RMDN2: variants seen among roughly 807,000 people sequenced by gnomAD.
RMDN2 encodes the protein regulator of microtubule dynamics 2, also known as regulator of microtubule dynamics protein 2.
A neutral mutation model predicts 52.8 loss-of-function variants in RMDN2; 61 were observed. The observed-to-expected ratio is 1.16, with a 90% CI of 0.94 to 1.43. RMDN2 has a LOEUF of 1.43. Among genes scored for constraint, RMDN2 ranks in the 40% most tolerant of loss-of-function variants. The pLI, the probability that RMDN2 is intolerant of heterozygous loss-of-function variation, is 0.00. For synonymous variants in RMDN2, 180 were observed against 153.1 expected, an observed-to-expected ratio of 1.18 and a Z score of -1.30; for missense variants, 592 against 475.3, an observed-to-expected ratio of 1.25 and a Z score of -2.28.
intron 5 of RMDN2, among the ~76,000 whole-genome samples, chr2:37,988,568 A>G (rs914431918): frequency 2.0e-5 from 3 of 151,978 alleles, no homozygotes; most frequent in African/African-American, 7.2e-5. Flanking sequence ...ACTGTTCCAA[A>G]TTAAAATTAT....
intron 5 of RMDN2, among the ~76,000 whole-genome samples, chr2:37,987,546 A>C (rs1307207120): frequency 6.6e-6 from 1 of 152,184 alleles, no homozygotes; most frequent in African/African-American, 2.4e-5. Flanking sequence ...GGAGGGAGGG[A>C]TGAATAAGCA....
intron 5 of RMDN2, among the ~76,000 whole-genome samples, chr2:37,985,954 A>G (rs766011024): frequency 1.2e-4 from 18 of 152,190 alleles, no homozygotes; most frequent in Non-Finnish European, 2.2e-4. Flanking sequence ...CAGTTTTGAC[A>G]AATGTACTGT....
At chr2:37,942,249 C>T (rs936939344) in intron 2 of RMDN2, among the ~76,000 whole-genome samples, 3 of 152,150 alleles carry the variant, frequency 2.0e-5, no homozygotes, top group Admixed American at 6.5e-5. Context: ...CTAACCTGTC[C>T]CAATGAGATG....
chr2:37,963,465 C>T (rs1172098260), intron 2 of RMDN2, among the ~76,000 whole-genome samples: 1 of 152,058 alleles, frequency 6.6e-6, no homozygotes, highest in South Asian at 2.1e-4. Context: ...GACCCTGCAG[C>T]CTTCCGCAGT....
At chr2:37,972,373 A>T (rs1671920537) in intron 2 of RMDN2, among the ~76,000 whole-genome samples, 1 of 152,162 alleles carries the variant, frequency 6.6e-6, no homozygotes, top group Non-Finnish European at 1.5e-5. Context: ...CAGAAGAAAG[A>T]AAAAATACAA....
At chr2:38,020,382 G>A (rs572886499), downstream of RMDN2, among the ~76,000 whole-genome samples, 267 of 152,308 alleles carry the variant, frequency 1.8e-3, no homozygotes, top group African/African-American at 5.8e-3. Flanking sequence ...CGCTCTCTGC[G>A]CCTCCTCTGC....
chr2:38,015,562 T>TC (rs1553380570), intron 10 of RMDN2, among the ~76,000 whole-genome samples: 1 of 95,950 alleles, frequency 1.0e-5, no homozygotes, highest in Non-Finnish European at 2.0e-5. Flanking sequence ...AGACTCCGTC[T>TC]CAAAAAAAAA....
intron 4 of RMDN2, among the ~76,000 whole-genome samples, 196 bp from the exon 5 acceptor site, chr2:37,981,087 G>A (rs1673250977): frequency 6.6e-6 from 1 of 152,202 alleles, no homozygotes; most frequent in African/African-American, 2.4e-5. Context: ...TTAAACCACA[G>A]ATTATTGGGC....
chr2:37,935,313 T>G (rs1160052034), intron 2 of RMDN2, among the ~76,000 whole-genome samples: 1 of 152,234 alleles, frequency 6.6e-6, no homozygotes, highest in East Asian at 1.9e-4. Context: ...ACTCTTAACT[T>G]TCACTTTCAT....
At chr2:37,952,488 TATA>T in intron 2 of RMDN2, 1 of 465,402 alleles carries the variant, frequency 2.1e-6, no homozygotes. Flanking sequence ...GAGTGACTAT[TATA>T]ATACTTTTGT....
intron 10 of RMDN2, among the ~76,000 whole-genome samples, chr2:38,031,966 G>C (rs556379711): frequency 5.3e-5 from 8 of 152,128 alleles, no homozygotes; most frequent in Admixed American, 4.6e-4. Flanking sequence ...CAACAATGCC[G>C]CTGCCTATCA....
chr2:37,987,886 C>T lies in RMDN2; in HGVS notation c.792-1655C>T, dbSNP rs1674247157. On this transcript the variant is annotated intron_variant, in intron 5 of 10. Coordinates refer to ENST00000354545, the MANE Select transcript of RMDN2 (RefSeq NM_001170791.3). ...CCAGTCTGGCCAACATGGTGAAATC[C>T]CATCTCTACTAAAAATACAAAAATT... Among the ~76,000 whole-genome samples, 3 of 122,328 alleles carry T rather than the reference C, an allele frequency of 2.5e-5. No homozygotes were observed. The South Asian group carries it at 7.4e-4, about 30-fold the overall frequency. 80.3% of individuals were successfully genotyped at this position (122,328 alleles called of 152,430 possible).
intron 2 of RMDN2, among the ~76,000 whole-genome samples, chr2:37,970,371 T>C (rs1363711532): frequency 6.6e-6 from 1 of 152,246 alleles, no homozygotes; most frequent in Non-Finnish European, 1.5e-5. Flanking sequence ...ACTGTGCTTG[T>C]AATTTCTAGT....
At chr2:38,015,773 C>T (rs1678684444) in intron 10 of RMDN2, among the ~76,000 whole-genome samples, 1 of 152,060 alleles carries the variant, frequency 6.6e-6, no homozygotes, top group Non-Finnish European at 1.5e-5. Context: ...CAGGAAGGAG[C>T]GATCTAACAA....
At position 37,990,918 on chromosome 2, in the gene RMDN2, T is replaced by C. The variant is rs150038512; in HGVS notation, c.868-302T>C. ...GTAAGCTCACCTCAGAATCAGTAAC[T>C]ATTCACTAGTCAAGTCATGGGTAGG... is the stretch of plus-strand genomic sequence containing the variant. On this transcript the variant is annotated intron_variant, in intron 6 of 10. Coordinates refer to ENST00000354545, the MANE Select transcript of RMDN2 (RefSeq NM_001170791.3). Among the ~76,000 whole-genome samples the C allele has an allele frequency of 8.1e-3, 1,227 of 152,324 alleles. 10 individuals are homozygous for C. The highest frequency in any genetic ancestry group is 0.013 in the Non-Finnish European group (910 of 68,024).
chr2:38,016,788 A>G (rs1202770850), intron 10 of RMDN2, among the ~76,000 whole-genome samples: 1 of 152,152 alleles, frequency 6.6e-6, no homozygotes, highest in Non-Finnish European at 1.5e-5. Flanking sequence ...TTAGAGTAAA[A>G]CAGGAAAGAA....
intron 2 of RMDN2, among the ~76,000 whole-genome samples, chr2:37,973,807 T>C (rs1271674953): frequency 6.6e-6 from 1 of 151,998 alleles, no homozygotes; most frequent in Non-Finnish European, 1.5e-5. Flanking sequence ...CCTGTGTGTA[T>C]TTGAATAAGA....
downstream of RMDN2, among the ~76,000 whole-genome samples, chr2:38,021,439 C>T (rs1252914801): frequency 6.6e-6 from 1 of 152,146 alleles, no homozygotes; most frequent in Non-Finnish European, 1.5e-5. Context: ...AATCTTGCTG[C>T]TGCTCACTCG....
At chr2:37,958,253 A>G (rs955892800) in intron 2 of RMDN2, among the ~76,000 whole-genome samples, 1 of 152,146 alleles carries the variant, frequency 6.6e-6, no homozygotes, top group African/African-American at 2.4e-5. Context: ...CCATTTTCAC[A>G]ATACTGATTC....
Sources: allele counts gnomAD v4.1 joint callset (sites outside exome capture counted in the v4.1 genomes callset), GRCh38; gene constraint gnomAD v4.1.1; transcripts MANE v1.5; gene names NCBI Gene and HGNC (gene_info 2026-07-23, HGNC 2026-07-21).